CLSTN2: variants seen among roughly 807,000 people sequenced by gnomAD.
CLSTN2 encodes the protein calsyntenin-2.
Under a neutral mutation model 101.2 loss-of-function variants are expected in CLSTN2, and 48 were observed. The observed-to-expected ratio is 0.47, with a 90% CI of 0.38 to 0.60. The LOEUF is 0.60. CLSTN2 is among the 20% of genes least tolerant of loss of function. CLSTN2 has a pLI of 0.00. For synonymous variants in CLSTN2, 481 were observed against 463.6 expected, an observed-to-expected ratio of 1.04 and a Z score of -0.48; for missense variants, 1,160 against 1,238.2, an observed-to-expected ratio of 0.94 and a Z score of 0.95.
At chr3:140,404,375 G>A (rs1169832295) in intron 3 of CLSTN2, among the ~76,000 whole-genome samples, 183 bp from the exon 4 acceptor site, 1 of 152,230 alleles carries the variant, frequency 6.6e-6, no homozygotes, top group Non-Finnish European at 1.5e-5. Context: ...GAGCGTCAGA[G>A]CAAGGGCAAG....
chr3:140,499,924 G>A (rs1394885430), intron 8 of CLSTN2, among the ~76,000 whole-genome samples: 4 of 152,062 alleles, frequency 2.6e-5, no homozygotes, highest in South Asian at 2.1e-4. Context: ...AAAATTAGCC[G>A]GGCATGGTGG....
intron 2 of CLSTN2, among the ~76,000 whole-genome samples, chr3:140,257,561 G>GGTGTGTGTGTGTGTGT (rs397877641): frequency 1.1e-5 from 1 of 93,062 alleles, no homozygotes; most frequent in East Asian, 2.1e-4. Flanking sequence ...TCTTTCTAGG[G>GGTGTGTGTGTGTGTGT]GTGTGTGTGT....
intron 2 of CLSTN2, among the ~76,000 whole-genome samples, chr3:140,383,365 G>T (rs1454634741): frequency 6.6e-6 from 1 of 152,150 alleles, no homozygotes; most frequent in Non-Finnish European, 1.5e-5. Flanking sequence ...TTCTGTGCTT[G>T]AGTTTGATTG....
chr3:139,969,447 A>G (rs1210352310), intron 1 of CLSTN2, among the ~76,000 whole-genome samples: 1 of 152,110 alleles, frequency 6.6e-6, no homozygotes, highest in Non-Finnish European at 1.5e-5. Context: ...TGCCACAGCT[A>G]GAAGACTCTT....
intron 1 of CLSTN2, among the ~76,000 whole-genome samples, chr3:139,983,108 C>A (rs1223152102): frequency 2.0e-5 from 3 of 146,894 alleles, no homozygotes; most frequent in African/African-American, 7.3e-5. Context: ...CTTTCCTATG[C>A]AAGGTCTTCC....
chr3:140,564,106 G>T lies in CLSTN2; in HGVS notation c.2628G>T (p.Trp876Cys). The change falls in exon 16 of 17, where the codon TGG (tryptophan) becomes TGT (cysteine). Residue 876 changes from tryptophan to cysteine, a missense_variant. Trp to Cys is a radical substitution (Grantham distance 215, BLOSUM62 -2). Coordinates refer to ENST00000458420, the MANE Select transcript of CLSTN2 (RefSeq NM_022131.3). ...TEAAKESEMD[W>C]DDSALTITVN... is the part of the protein sequence containing the mutation. Reference sequence around the variant, plus strand: ...CTGCCAAGGAATCTGAGATGGACTGGGACGATTCTGCGCTGACTATCACAG... The same window carrying T: ...CTGCCAAGGAATCTGAGATGGACTGTGACGATTCTGCGCTGACTATCACAG... The T allele has an allele frequency of 6.2e-7, 1 of 1,614,078 alleles. No individual in the cohort carries two copies. The highest frequency in any genetic ancestry group is 8.5e-7 in the Non-Finnish European group (1 of 1,180,002).
chr3:139,996,139 A>G (rs2006650810), intron 1 of CLSTN2, among the ~76,000 whole-genome samples: 1 of 152,204 alleles, frequency 6.6e-6, no homozygotes, highest in Admixed American at 6.5e-5. Context: ...AAAAGTTTTA[A>G]TCATACATAA....
chr3:140,152,202 TC>T (rs1394681968), intron 1 of CLSTN2, among the ~76,000 whole-genome samples: 1 of 152,192 alleles, frequency 6.6e-6, no homozygotes, highest in Non-Finnish European at 1.5e-5. Context: ...TGTTCTAATG[TC>T]CTTGGGAGCT....
intron 2 of CLSTN2, among the ~76,000 whole-genome samples, chr3:140,318,375 C>T (rs1200800209): frequency 6.6e-6 from 1 of 152,076 alleles, no homozygotes; most frequent in African/African-American, 2.4e-5. Context: ...GGGTCAGGTT[C>T]AGTAAAGACA....
At chr3:140,314,435 C>T (rs572963632) in intron 2 of CLSTN2, among the ~76,000 whole-genome samples, 1 of 152,282 alleles carries the variant, frequency 6.6e-6, no homozygotes, top group Admixed American at 6.5e-5. Flanking sequence ...ACCTGTCCTG[C>T]TCCCGTTATA....
intron 1 of CLSTN2, among the ~76,000 whole-genome samples, chr3:140,146,231 A>C (rs1360886203): frequency 6.6e-6 from 1 of 152,270 alleles, no homozygotes; most frequent in South Asian, 2.1e-4. Context: ...AACTAAGCAT[A>C]TAATAACTTA....
intron 1 of CLSTN2, among the ~76,000 whole-genome samples, chr3:140,022,893 A>G (rs1237359144): frequency 6.6e-6 from 1 of 152,186 alleles, no homozygotes; most frequent in Non-Finnish European, 1.5e-5. Context: ...CAGATCCCTG[A>G]GTCCCTGTGC....
chr3:140,198,257 G>A (rs978177213), intron 2 of CLSTN2, among the ~76,000 whole-genome samples: 1 of 152,216 alleles, frequency 6.6e-6, no homozygotes, highest in Non-Finnish European at 1.5e-5. Context: ...CATACTTCAT[G>A]TTGTGTTGGT....
chr3:140,477,275 C>G (rs1260194670), intron 8 of CLSTN2, among the ~76,000 whole-genome samples: 1 of 152,122 alleles, frequency 6.6e-6, no homozygotes, highest in Non-Finnish European at 1.5e-5. Context: ...AATAATGAAC[C>G]TCCTTCATCA....
chr3:140,102,069 C>T (rs1186375604), intron 1 of CLSTN2, among the ~76,000 whole-genome samples: 5 of 152,102 alleles, frequency 3.3e-5, no homozygotes, highest in African/African-American at 1.2e-4. Context: ...TGAAAGAGGC[C>T]ATTTTCTAGG....
At chr3:140,231,280 A>G (rs2107860195) in intron 2 of CLSTN2, among the ~76,000 whole-genome samples, 1 of 152,272 alleles carries the variant, frequency 6.6e-6, no homozygotes, top group Non-Finnish European at 1.5e-5. Flanking sequence ...AGAGCTGTCA[A>G]TATTCTCCCT....
At chr3:140,151,640 G>A (rs75091746) in intron 1 of CLSTN2, among the ~76,000 whole-genome samples, 1,748 of 152,048 alleles carry the variant, frequency 0.011, 38 homozygotes, top group African/African-American at 0.04. Context: ...ACAATCAAAG[G>A]CACTCACCTA....
chr3:140,459,795 C>A (rs1196407833), intron 7 of CLSTN2, 26 bp downstream of exon 7: 1 of 1,561,800 alleles, frequency 6.4e-7, no homozygotes, highest in Admixed American at 1.8e-5. Context: ...AGCCCTTCCA[C>A]CCCTCCTACC....
chr3:140,311,458 A>G (rs1168544553), intron 2 of CLSTN2, among the ~76,000 whole-genome samples: 3 of 148,198 alleles, frequency 2.0e-5, no homozygotes, highest in East Asian at 4.0e-4. Context: ...GGTGTGTGCC[A>G]CTATGCCTGG....
Sources: gnomAD v4.1 joint callset for allele counts (sites outside exome capture counted in the v4.1 genomes callset) on GRCh38, gnomAD v4.1.1 for gene constraint, MANE v1.5 for transcripts, NCBI Gene and HGNC (gene_info 2026-07-23, HGNC 2026-07-21) for gene names.